Variants in ANKRD31 observed in about 807,000 individuals in gnomAD.
ANKRD31 encodes ankyrin repeat domain-containing protein 31.
Under a neutral mutation model 186.0 loss-of-function variants are expected in ANKRD31, and 147 were observed. The observed-to-expected ratio is 0.79, with a 90% CI of 0.69 to 0.91. The LOEUF (loss-of-function observed/expected upper bound fraction) is 0.91. Ranked by LOEUF, ANKRD31 falls within the 40% of genes least tolerant of loss-of-function variation. The pLI is 0.00. For missense variants in ANKRD31, 1,986 were observed against 2,148.8 expected, an observed-to-expected ratio of 0.92 and a Z score of 1.50; for synonymous variants, 673 against 736.4, an observed-to-expected ratio of 0.91 and a Z score of 1.39.
chr5:75,085,256 C>G (rs577406055), intron 23 of ANKRD31, among the ~76,000 whole-genome samples: 1 of 152,256 alleles, frequency 6.6e-6, no homozygotes, highest in East Asian at 1.9e-4. Context: ...TCTATTAAAC[C>G]ATAAGCTCCT....
chr5:75,085,883 AG>A (rs1745448277), intron 23 of ANKRD31, among the ~76,000 whole-genome samples: 1 of 152,230 alleles, frequency 6.6e-6, no homozygotes, highest in African/African-American at 2.4e-5. Context: ...GAACAGAGTG[AG>A]AAAGGTCTAG....
chr5:75,079,076 T>C (rs1415715361), intron 25 of ANKRD31, among the ~76,000 whole-genome samples: 1 of 152,246 alleles, frequency 6.6e-6, no homozygotes, highest in Non-Finnish European at 1.5e-5. Flanking sequence ...TGTGTTAATA[T>C]ACCACATTTT....
chr5:75,078,992 A>G (rs1391954716), intron 25 of ANKRD31, among the ~76,000 whole-genome samples: 1 of 152,210 alleles, frequency 6.6e-6, no homozygotes, highest in Non-Finnish European at 1.5e-5. Context: ...ATATTTCATC[A>G]ACAGAATTTC....
At chr5:75,141,899 T>TA (rs1751078228) in intron 15 of ANKRD31, among the ~76,000 whole-genome samples, 1 of 152,164 alleles carries the variant, frequency 6.6e-6, no homozygotes, top group Non-Finnish European at 1.5e-5. Context: ...AGCCATGTAA[T>TA]ATACATTTTG....
At chr5:75,170,397 G>A (rs1753228008) in intron 10 of ANKRD31, among the ~76,000 whole-genome samples, 1 of 152,130 alleles carries the variant, frequency 6.6e-6, no homozygotes, top group African/African-American at 2.4e-5. Context: ...AACCATTTAT[G>A]TTAAATGTAA....
intron 9 of ANKRD31, among the ~76,000 whole-genome samples, chr5:75,192,131 GTAT>G (rs1755156614): frequency 6.6e-6 from 1 of 152,064 alleles, no homozygotes; most frequent in Admixed American, 6.5e-5. Flanking sequence ...TATCGCTGCA[GTAT>G]TATTATCAAA....
At chr5:75,199,539 G>C in intron 6 of ANKRD31, 92 bp downstream of exon 6, 1 of 951,352 alleles carries the variant, frequency 1.1e-6, no homozygotes, top group Non-Finnish European at 1.5e-6. Context: ...TGAGGGTGAG[G>C]GTCTAAATGA....
At chr5:75,206,216 CAAAAAAAAAAAAAAAAAA>C (rs1191388849) in intron 5 of ANKRD31, among the ~76,000 whole-genome samples, 177 bp downstream of exon 5, 238 of 14,798 alleles carry the variant, frequency 0.016, 7 homozygotes, top group South Asian at 0.039. Context: ...ACATCTCTAC[CAAAAAAAAAAAAAAAAAA>C]AAAAAAAAAA....
chr5:75,069,894 C>T (rs1744080946), intron 25 of ANKRD31, among the ~76,000 whole-genome samples: 1 of 151,802 alleles, frequency 6.6e-6, no homozygotes, highest in African/African-American at 2.4e-5. Flanking sequence ...AGCATGTAGC[C>T]CTGGGATGAT....
chr5:75,173,412 G>C (rs1214339684), intron 10 of ANKRD31, among the ~76,000 whole-genome samples: 1 of 152,024 alleles, frequency 6.6e-6, no homozygotes, highest in Non-Finnish European at 1.5e-5. Context: ...GAAATAAAGA[G>C]GATTCAATTA....
intron 5 of ANKRD31, among the ~76,000 whole-genome samples, chr5:75,199,998 T>C (rs1755708803): frequency 6.6e-6 from 1 of 152,148 alleles, no homozygotes; most frequent in South Asian, 2.1e-4. Context: ...AAAAAGACTA[T>C]CTACTTTCTC....
chr5:75,162,634 G>T (rs544245648), intron 11 of ANKRD31, among the ~76,000 whole-genome samples: 2 of 152,176 alleles, frequency 1.3e-5, no homozygotes, highest in South Asian at 4.1e-4. Flanking sequence ...TACATGGTTT[G>T]GCTCCATGTC....
chr5:75,200,618 A>T lies in ANKRD31; in HGVS notation c.404-944T>A, dbSNP rs111577259. ...CAGCCCATTTACTTTCATCATCAAGACCCAAGTATTCTGGCCAGGCACAGT... is the reference window on the plus strand; with the variant it reads ...CAGCCCATTTACTTTCATCATCAAGTCCCAAGTATTCTGGCCAGGCACAGT... On this transcript the variant is annotated intron_variant, in intron 5 of 25. Coordinates refer to ENST00000506364, the MANE Select transcript of ANKRD31 (RefSeq NM_001372053.1). Among the ~76,000 whole-genome samples, 458 of 149,674 alleles carry T rather than the reference A, an allele frequency of 3.1e-3. 3 individuals carry two copies. The highest frequency in any genetic ancestry group is 1.0e-2 in the African/African-American group (408 of 40,814).
In ANKRD31 at chr5:75,131,508, G is replaced by A. The variant is rs117583695; in HGVS notation, c.3876+6348C>T. Reference sequence around the variant, plus strand: ...GGCTTGAGAAGGTAAACAAAGCAGCGGGGAGGCTCAAAATTGGTGGAGCCC... The same window carrying A: ...GGCTTGAGAAGGTAAACAAAGCAGCAGGGAGGCTCAAAATTGGTGGAGCCC... On this transcript the variant is annotated intron_variant, in intron 17 of 25. Transcript: ENST00000506364. 2.6e-3 allele frequency among the ~76,000 whole-genome samples: 392 copies of A among 152,278 alleles called. 7 individuals are homozygous for A. The East Asian group carries it at 0.061, about 24-fold the overall frequency.
intron 1 of ANKRD31, among the ~76,000 whole-genome samples, chr5:75,235,241 C>CTTTTTTTTTTTT (rs35626841): frequency 1.0e-5 from 1 of 99,880 alleles, no homozygotes; most frequent in Non-Finnish European, 1.9e-5. Context: ...CTTGCTGGTA[C>CTTTTTTTTTTTT]TTTTTTTTTT....
At chr5:75,200,512 G>A (rs1203122256) in intron 5 of ANKRD31, among the ~76,000 whole-genome samples, 1 of 150,382 alleles carries the variant, frequency 6.6e-6, no homozygotes, top group Non-Finnish European at 1.5e-5. Context: ...TGGCCAGGCT[G>A]GTCTCAAACC....
chr5:75,196,053 T>G lies in ANKRD31; in HGVS notation c.595A>C (p.Lys199Gln). The change falls in exon 7 of 26, where the codon AAG becomes CAG. Residue 199 changes from lysine (K) to glutamine (Q), a missense_variant. Physicochemically the swap from Lys to Gln is moderately conservative, Grantham distance 53. Transcript: ENST00000506364. ...GAAGTCATGGTCATTGTGACTTCCT[T>G]TCTAGGCTCAAAAAATGTATTTGGT... ...AAPNTFFEPR[K>Q]EVTMTMTSEE... 2 of 1,536,682 alleles carry G rather than the reference T, an allele frequency of 1.3e-6. No homozygotes were observed. The highest frequency in any genetic ancestry group is 1.7e-6 in the Non-Finnish European group (2 of 1,146,672).
At chr5:75,188,685 A>T in intron 9 of ANKRD31, 37 bp from the exon 10 acceptor site, 1 of 1,478,734 alleles carries the variant, frequency 6.8e-7, no homozygotes. Context: ...AAAAATCATT[A>T]TTTGAATATC....
intron 3 of ANKRD31, 143 bp downstream of exon 3, chr5:75,222,106 A>C: frequency 1.8e-6 from 1 of 548,272 alleles, no homozygotes. Context: ...TAGAATGACT[A>C]GTTAAGAAAG....
Sources: gnomAD v4.1 joint callset for allele counts (sites outside exome capture counted in the v4.1 genomes callset) on GRCh38, gnomAD v4.1.1 for gene constraint, MANE v1.5 for transcripts, NCBI Gene and HGNC (gene_info 2026-07-23, HGNC 2026-07-21) for gene names.